Variants in SLC22A24 observed in about 807,000 individuals in gnomAD.
The protein encoded by SLC22A24 is solute carrier family 22 member 24.
SLC22A24 carries 53 observed loss-of-function variants against 49.8 expected under a neutral mutation model. That is an observed-to-expected ratio of 1.06 (90% CI 0.85 to 1.34). SLC22A24 has a LOEUF of 1.34. SLC22A24 is among the 40% of genes most tolerant of loss of function. The pLI is 0.00. For synonymous variants in SLC22A24, 302 were observed against 256.4 expected, an observed-to-expected ratio of 1.18 and a Z score of -1.70; for missense variants, 786 against 675.9, an observed-to-expected ratio of 1.16 and a Z score of -1.81.
At chr11:63,116,644 T>C (rs143417411) in intron 4 of SLC22A24, among the ~76,000 whole-genome samples, 216 of 152,290 alleles carry the variant, frequency 1.4e-3, no homozygotes, top group African/African-American at 4.8e-3. Context: ...TTCCAACATA[T>C]TTGTTTTATT....
intron 2 of SLC22A24, among the ~76,000 whole-genome samples, chr11:63,123,881 A>T (rs535370263): frequency 6.6e-6 from 1 of 152,162 alleles, no homozygotes; most frequent in African/African-American, 2.4e-5. Context: ...ACAGCCTTTT[A>T]AATGGTCCTT....
intron 2 of SLC22A24, among the ~76,000 whole-genome samples, chr11:63,119,922 T>C (rs1450608012): frequency 1.3e-5 from 2 of 152,096 alleles, no homozygotes; most frequent in Non-Finnish European, 2.9e-5. Flanking sequence ...ATGTCTTCTT[T>C]TGAGAAGTGT....
intron 1 of SLC22A24, among the ~76,000 whole-genome samples, chr11:63,140,763 G>C (rs944547887): frequency 6.6e-6 from 1 of 152,174 alleles, no homozygotes; most frequent in South Asian, 2.1e-4. Context: ...TACAAGGTGC[G>C]TAGGGAATGT....
chr11:63,118,875 C>T lies in SLC22A24; in HGVS notation c.830+37G>A, dbSNP rs765503535. ...TTTTCCTTTCTATGTCTACCATAGC[C>T]TCGCTTACAGGCAAAGAATGTGGAG... On this transcript the variant is annotated intron_variant, in intron 4 of 9. Transcript: ENST00000612278. The T allele has an allele frequency of 3.2e-6, 5 of 1,550,836 alleles. No individual in the cohort carries two copies. The African/African-American group carries it at 6.8e-5, about 21-fold the overall frequency.
At chr11:63,087,024 G>GCGCACACACACACACACACACACA (rs376936925) in intron 6 of SLC22A24, among the ~76,000 whole-genome samples, 1 of 132,556 alleles carries the variant, frequency 7.5e-6, no homozygotes, top group African/African-American at 2.9e-5. Context: ...CCTGGAGGGC[G>GCGCACACACACACACACACACACA]CACACACACA....
At chr11:63,086,454 A>C (rs1417134234) in intron 6 of SLC22A24, among the ~76,000 whole-genome samples, 2 of 152,170 alleles carry the variant, frequency 1.3e-5, no homozygotes, top group Non-Finnish European at 2.9e-5. Flanking sequence ...CAAATACCAC[A>C]TGTTCTCACT....
At chr11:63,104,032 A>C (rs2087105948) in intron 5 of SLC22A24, 143 bp downstream of exon 5, 1 of 679,448 alleles carries the variant, frequency 1.5e-6, no homozygotes, top group Admixed American at 3.5e-5. Flanking sequence ...GACAGGAGGA[A>C]AGATATATAT....
At chr11:63,112,090 C>T (rs937730556) in intron 4 of SLC22A24, among the ~76,000 whole-genome samples, 1 of 151,882 alleles carries the variant, frequency 6.6e-6, no homozygotes, top group Non-Finnish European at 1.5e-5. Context: ...TTTATTTCTG[C>T]CTTCATTTCG....
At chr11:63,138,061 A>G (rs2087387978) in intron 1 of SLC22A24, among the ~76,000 whole-genome samples, 1 of 152,162 alleles carries the variant, frequency 6.6e-6, no homozygotes, top group African/African-American at 2.4e-5. Flanking sequence ...TGTGTTCTGT[A>G]ATGGAGAGAG....
rs141368449 is a variant in SLC22A24, at chr11:63,142,609, A to G, written c.402+769T>C. On this transcript the variant is annotated intron_variant, in intron 1 of 9. Coordinates refer to ENST00000612278, the MANE Select transcript of SLC22A24 (RefSeq NM_001136506.2). ...TTTAGTAGTCACACAGCTGGAGGCT[A>G]CAAGATTCTGACCCTCCCTAAACTG... Among the ~76,000 whole-genome samples the G allele has an allele frequency of 1.6e-3, 248 of 152,298 alleles. 1 individual carries two copies. Among genetic ancestry groups the G allele is most frequent in the African/African-American group, 5.8e-3 (241 of 41,568 alleles).
Position 63,096,004 on chromosome 11 carries a change from G to A in SLC22A24, c.1057C>T (p.Leu353=). The change falls in exon 6 of 10, where the codon CTG becomes TTG. Residue 353 remains leucine (L), a synonymous_variant. Transcript: ENST00000612278. ...AATGGAACTTACCTCACAAAGCACA[G>A]GCCGAAGACTCTCATTCGCAATTTG... ...APKLRMRVFG[L]CFVRFAITVP... The A allele has an allele frequency of 6.5e-7, 1 of 1,549,766 alleles. No individual in the cohort carries two copies. Among genetic ancestry groups the A allele is most frequent in the South Asian group, 1.2e-5 (1 of 83,980 alleles).
At chr11:63,138,535 G>A (rs911139298) in intron 1 of SLC22A24, among the ~76,000 whole-genome samples, 13 of 151,398 alleles carry the variant, frequency 8.6e-5, no homozygotes, top group East Asian at 3.9e-4. Flanking sequence ...CCAGCTACTC[G>A]GGAGGCTGAG....
chr11:63,082,930 C>T (rs1374913945), intron 7 of SLC22A24, among the ~76,000 whole-genome samples: 1 of 152,138 alleles, frequency 6.6e-6, no homozygotes, highest in Non-Finnish European at 1.5e-5. Flanking sequence ...GGGTGATTAG[C>T]CAAAAAGCAT....
At chr11:63,139,576 A>C (rs7948969) in intron 1 of SLC22A24, among the ~76,000 whole-genome samples, 115,561 of 152,032 alleles carry the variant, frequency 0.76, 45,502 homozygotes, top group East Asian at 0.9. Flanking sequence ...CCAACCCCCA[A>C]TGAGAAATGA....
intron 6 of SLC22A24, 38 bp from the exon 7 acceptor site, chr11:63,083,495 G>A: frequency 6.8e-7 from 1 of 1,471,280 alleles, no homozygotes; most frequent in Non-Finnish European, 9.3e-7. Flanking sequence ...TATTCAATAA[G>A]ATTTAAAGCC....
At chr11:63,126,179 C>T (rs2087289297) in intron 2 of SLC22A24, among the ~76,000 whole-genome samples, 1 of 152,120 alleles carries the variant, frequency 6.6e-6, no homozygotes, top group Admixed American at 6.5e-5. Context: ...TCCCATTTGT[C>T]TATTTTGGCT....
intron 2 of SLC22A24, among the ~76,000 whole-genome samples, chr11:63,131,626 A>G (rs1405461851): frequency 6.6e-6 from 1 of 152,166 alleles, no homozygotes; most frequent in Non-Finnish European, 1.5e-5. Flanking sequence ...TCTGGCTTGT[A>G]GGGTTTCTGC....
intron 2 of SLC22A24, among the ~76,000 whole-genome samples, chr11:63,133,604 T>C (rs59478159): frequency 0.024 from 3,595 of 152,030 alleles, 123 homozygotes; most frequent in African/African-American, 0.08. Context: ...TCCCCAAACA[T>C]CTCATCCTCA....
At position 63,099,086 on chromosome 11, in the gene SLC22A24, A is replaced by G. The variant is rs560544910; in HGVS notation, c.955-2980T>C. 1.7e-4 allele frequency among the ~76,000 whole-genome samples: 26 copies of G among 152,298 alleles called. No homozygotes were observed. In the South Asian group the frequency reaches 4.1e-3, roughly 24 times the overall value. On this transcript the variant is annotated intron_variant, in intron 5 of 9. Coordinates refer to ENST00000612278, the MANE Select transcript of SLC22A24 (RefSeq NM_001136506.2). The stretch of plus-strand genomic sequence containing the variant: ...ATGAAGAAATTCAAAACCTGAACAG[A>G]CCAATAAGAAGTAATGACATTGAAG...
Sources: gnomAD v4.1 joint callset for allele counts (sites outside exome capture counted in the v4.1 genomes callset) on GRCh38, gnomAD v4.1.1 for gene constraint, MANE v1.5 for transcripts, NCBI Gene and HGNC (gene_info 2026-07-23, HGNC 2026-07-21) for gene names.